The following AGFG2 variants were observed in gnomAD, a reference collection of about 807,000 sequenced individuals.
The protein encoded by AGFG2 is arf-GAP domain and FG repeat-containing protein 2.
AGFG2 carries 31 observed loss-of-function variants against 48.0 expected under a neutral mutation model. The observed-to-expected ratio is 0.65, with a 90% CI of 0.49 to 0.87. The LOEUF (loss-of-function observed/expected upper bound fraction) is 0.87. AGFG2 is among the 40% of genes least tolerant of loss of function. AGFG2 has a pLI of 0.00. For synonymous variants in AGFG2, 229 were observed against 260.8 expected, an observed-to-expected ratio of 0.88 and a Z score of 1.18; for missense variants, 599 against 632.6, an observed-to-expected ratio of 0.95 and a Z score of 0.57.
At chr7:100,555,862 G>C (rs1800750383) in intron 6 of AGFG2, 127 bp downstream of exon 6, 1 of 1,342,410 alleles carries the variant, frequency 7.4e-7, no homozygotes, top group African/African-American at 1.5e-5. Flanking sequence ...AAGAGAAGCA[G>C]CTCCAGGAGA....
chr7:100,547,418 T>C (rs1265692490), intron 1 of AGFG2, among the ~76,000 whole-genome samples: 2 of 151,922 alleles, frequency 1.3e-5, no homozygotes, highest in African/African-American at 2.4e-5. Context: ...TTTTTTTTTT[T>C]CCATGAGAGT....
Position 100,562,805 on chromosome 7 carries a change from G to C in AGFG2, c.1088-58G>C. 1.2e-6 allele frequency: 2 copies of C among 1,604,230 alleles called. No homozygotes were observed. The highest frequency in any genetic ancestry group is 1.7e-6 in the Non-Finnish European group (2 of 1,171,680). ...GCTCAGGCATCACAGGATGAAGCAC[G>C]TGAGAAAAAAAGTAACCATCTCTCT... On this transcript the variant is annotated intron_variant, in intron 8 of 11. Coordinates refer to ENST00000300176, the MANE Select transcript of AGFG2 (RefSeq NM_006076.5). The surrounding 1 kb of genome is among the most constrained non-coding windows in gnomAD (Gnocchi z 5.4).
intron 6 of AGFG2, among the ~76,000 whole-genome samples, chr7:100,561,450 C>T (rs1044392535): frequency 6.6e-6 from 1 of 152,146 alleles, no homozygotes. Flanking sequence ...TCCATCTGGA[C>T]CCTCCTTTTA....
At chr7:100,555,112 C>G (rs1800730298) in intron 5 of AGFG2, among the ~76,000 whole-genome samples, 1 of 152,028 alleles carries the variant, frequency 6.6e-6, no homozygotes, top group South Asian at 2.1e-4. Context: ...GGGTCTGGCT[C>G]TTGGCCCCAG....
intron 1 of AGFG2, among the ~76,000 whole-genome samples, chr7:100,544,682 C>T (rs942235375): frequency 6.8e-6 from 1 of 147,154 alleles, no homozygotes; most frequent in Non-Finnish European, 1.5e-5. Context: ...CTTGAAAAGC[C>T]CCGAAGGAAG....
chr7:100,555,805 T>G, intron 6 of AGFG2, 70 bp downstream of exon 6: 3 of 1,579,154 alleles, frequency 1.9e-6, no homozygotes, highest in Non-Finnish European at 2.6e-6. Context: ...TAAATCACCA[T>G]TCATATCCTC....
chr7:100,554,034 AGGAG>A, intron 4 of AGFG2, 55 bp from the exon 5 acceptor site: 72 of 1,554,044 alleles, frequency 4.6e-5, no homozygotes, highest in Non-Finnish European at 6.2e-5. Flanking sequence ...GGGGAGCCAG[AGGAG>A]GGCCTGGGGC....
At chr7:100,555,586 C>A (rs767066879) in intron 5 of AGFG2, 24 bp from the exon 6 acceptor site, 1 of 1,609,960 alleles carries the variant, frequency 6.2e-7, no homozygotes, top group South Asian at 1.1e-5. Context: ...TTCTATATAA[C>A]CTTTATGTTT....
At chr7:100,551,622 G>A (rs1284936445) in intron 3 of AGFG2, among the ~76,000 whole-genome samples, 7 of 151,284 alleles carry the variant, frequency 4.6e-5, no homozygotes, top group African/African-American at 1.2e-4. Context: ...GGTGGCTCAC[G>A]CCTATAATCC....
At position 100,562,650 on chromosome 7, in the gene AGFG2, G is replaced by T; in HGVS notation, c.1055G>T (p.Gly352Val). Residue 352 changes from glycine to valine, a missense_variant, in exon 8 of 12, where the codon GGC becomes GTC. Coordinates refer to ENST00000300176, the MANE Select transcript of AGFG2 (RefSeq NM_006076.5). The surrounding 1 kb of genome is among the most constrained non-coding windows in gnomAD (Gnocchi z 5.4). ...CTCCAGTCTGTCACGATGGGCGGCG[G>T]CGGCGGCAGCAGCACAGGGCTGGCC... ...PPLQSVTMGGGGGSSTGLAFG... is the reference protein window; with the variant it reads ...PPLQSVTMGGVGGSSTGLAFG... The T allele has an allele frequency of 6.2e-7, 1 of 1,610,228 alleles. No individual in the cohort carries two copies.
At position 100,539,239 on chromosome 7, in the gene AGFG2, C is replaced by T. The variant is rs904811848; in HGVS notation, c.-108C>T. The T allele has an allele frequency of 6.9e-6, 8 of 1,152,194 alleles. No homozygotes were observed. The African/African-American group carries it at 8.0e-5, about 12-fold the overall frequency. The allele number at this position is 1,152,194 out of a possible 1,614,324, so 71.4% of individuals were successfully genotyped here. A position where few individuals can be genotyped will look rare whatever the true frequency, so the allele number is the denominator to read the frequency against. Reference sequence around the variant, plus strand: ...AAGTCTCCTGCGGATGCCGCCCGCTCCCGAGCTTCTGTCAGGGGAGCCGGG... The same window carrying T: ...AAGTCTCCTGCGGATGCCGCCCGCTTCCGAGCTTCTGTCAGGGGAGCCGGG... On this transcript the variant is annotated 5_prime_UTR_variant, in exon 1 of 12. Coordinates refer to ENST00000300176, the MANE Select transcript of AGFG2 (RefSeq NM_006076.5).
rs1303363279 is a variant in AGFG2, at chr7:100,567,460, C to G, written c.*2469C>G. On this transcript the variant is annotated 3_prime_UTR_variant, in exon 12 of 12. Transcript: ENST00000300176. The stretch of plus-strand genomic sequence containing the variant: ...AGACAGCAGTCCTCTAGCATGGCCC[C>G]AGCATTCAGCCAGTCGGTCACCTGT... 1 of 152,746 alleles carries G rather than the reference C, an allele frequency of 6.5e-6. No homozygotes were observed. Among genetic ancestry groups the G allele is most frequent in the African/African-American group, 2.4e-5 (1 of 41,466 alleles). The allele number at this position is 152,746 out of a possible 1,614,324, so 9.5% of individuals were successfully genotyped here. A position where few individuals can be genotyped will look rare whatever the true frequency, so the allele number is the denominator to read the frequency against.
Position 100,562,348 on chromosome 7 carries a change from C to T in AGFG2, c.967C>T (p.Pro323Ser). 6.2e-7 allele frequency: 1 copy of T among 1,614,000 alleles called. No individual in the cohort carries two copies. The highest frequency in any genetic ancestry group is 1.1e-5 in the South Asian group (1 of 91,076). ...SLADVGSFLG[P>S]GVPAAGVPSS... ...CGCAGACGTGGGCAGCTTCCTGGGA[C>T]CCGGGGTGCCCGCTGCAGGTGTTCC... The change falls in exon 7 of 12, where the codon CCC becomes TCC. Residue 323 changes from proline to serine, a missense_variant. Transcript: ENST00000300176. This position sits in a 1 kb window ranked among gnomAD's most constrained non-coding sequence, Gnocchi z 5.4.
chr7:100,546,492 A>G (rs1259046756), intron 1 of AGFG2, among the ~76,000 whole-genome samples: 1 of 152,194 alleles, frequency 6.6e-6, no homozygotes, highest in African/African-American at 2.4e-5. Context: ...CTGACTGAAT[A>G]GCACCCTACT....
intron 1 of AGFG2, among the ~76,000 whole-genome samples, chr7:100,543,840 A>G (rs1800466843): frequency 6.6e-6 from 1 of 152,210 alleles, no homozygotes; most frequent in Admixed American, 6.5e-5. Context: ...CCACAATTGT[A>G]GGTCCCACAC....
Position 100,539,497 on chromosome 7 carries a change from GC to G in AGFG2, c.154del (p.Gln52SerfsTer23). On this transcript the variant is annotated frameshift_variant, in exon 1 of 12. Coordinates refer to ENST00000300176, the MANE Select transcript of AGFG2 (RefSeq NM_006076.5). LOFTEE classifies it high-confidence loss of function. ...CGGGAACCGCCACTGCTTCGAGTGC[GC>G]CCAGCGCGGGGTCACCTACGTGGAT... ...QAGNRHCFECAQRGVTYVDIT... is the reference protein window; with the variant it reads ...QAGNRHCFECXQRGVTYVDIT... 1 of 1,315,224 alleles carries G rather than the reference GC, an allele frequency of 7.6e-7. No individual in the cohort carries two copies. The allele number at this position is 1,315,224 out of a possible 1,614,324, so 81.5% of individuals were successfully genotyped here.
rs1263117265 is a variant in AGFG2, at chr7:100,567,757, G to C, written c.*2766G>C. 2 of 152,296 alleles carry C rather than the reference G, an allele frequency of 1.3e-5. No homozygotes were observed. The highest frequency in any genetic ancestry group is 4.8e-5 in the African/African-American group (2 of 41,452). 9.4% of individuals were successfully genotyped at this position (152,296 alleles called of 1,614,324 possible). A position where few individuals can be genotyped will look rare whatever the true frequency, so the allele number is the denominator to read the frequency against. On this transcript the variant is annotated 3_prime_UTR_variant, in exon 12 of 12. Transcript: ENST00000300176. The stretch of plus-strand genomic sequence containing the variant: ...GCTGAGAACGCAGTGCCCCGTCCCT[G>C]ACAGGGATGAAAAGTGAACCCCTCA...
chr7:100,540,119 TAAAA>T (rs375004765), intron 1 of AGFG2, among the ~76,000 whole-genome samples: 1 of 125,990 alleles, frequency 7.9e-6, no homozygotes, highest in African/African-American at 3.0e-5. Flanking sequence ...AGTACAGGAT[TAAAA>T]AAAAAAAAAA....
intron 3 of AGFG2, among the ~76,000 whole-genome samples, chr7:100,551,030 T>TTATATATA (rs373297543): frequency 0.026 from 1,443 of 55,784 alleles, 43 homozygotes; most frequent in African/African-American, 0.033. Flanking sequence ...CCTGGCTAAT[T>TTATATATA]TATATATATA....
Sources: gnomAD v4.1 joint callset for allele counts (sites outside exome capture counted in the v4.1 genomes callset) on GRCh38, gnomAD v4.1.1 for gene constraint, Gnocchi (gnomAD v3.1) non-coding constraint, MANE v1.5 for transcripts, NCBI Gene and HGNC (gene_info 2026-07-23, HGNC 2026-07-21) for gene names.